Variants in OTX1 observed in about 807,000 individuals in gnomAD.
OTX1 encodes homeobox protein OTX1.
In OTX1, 7 loss-of-function variants were observed where a neutral mutation model predicts 26.7. The ratio of observed to expected loss-of-function variants is 0.26; its 90% CI spans 0.15 to 0.49. OTX1 has a LOEUF of 0.49. Among genes scored for constraint, OTX1 ranks in the 20% least tolerant of loss-of-function variants. The pLI is 0.98. For missense variants in OTX1, 414 were observed against 483.8 expected (o/e 0.86, Z 1.35); for synonymous variants, 216 against 212.8 (o/e 1.01, Z -0.13).
rs919225744 is a variant in OTX1, at chr2:63,055,947, C to T, written c.696C>T (p.Gly232=). The change falls in exon 5 of 5, where the codon GGC becomes GGT. Residue 232 remains glycine (G), a synonymous_variant. Transcript: ENST00000282549. This position sits in a 1 kb window ranked among gnomAD's most constrained non-coding sequence, Gnocchi z 5.2. ...PMSYGQGGSY[G]QGYPTPSSSY... The stretch of plus-strand genomic sequence containing the variant: ...CCTACGGCCAGGGCGGCAGCTACGG[C>T]CAAGGCTACCCTACGCCCTCCTCTT... 1.9e-6 allele frequency: 3 copies of T among 1,612,986 alleles called. No individual in the cohort carries two copies. In the African/African-American group the frequency reaches 4.0e-5, roughly 22 times the overall value.
In OTX1 at chr2:63,052,391, T is replaced by C. The variant is rs565500718; in HGVS notation, c.-111-489T>C. On this transcript the variant is annotated intron_variant, in intron 2 of 4. Transcript: ENST00000282549. ...CCTGGAGACCTTTAAAGGAACCAAG[T>C]GTCTAAGTGGACAAGAAGTGCAATT... Among the ~76,000 whole-genome samples the C allele has an allele frequency of 3.7e-4, 56 of 152,406 alleles. 1 individual carries two copies. The highest frequency in any genetic ancestry group is 1.2e-3 in the African/African-American group (48 of 41,598).
Position 63,055,804 on chromosome 2 carries a change from G to A in OTX1, c.553G>A (p.Gly185Ser), listed in dbSNP as rs1574629689. The A allele has an allele frequency of 1.9e-6, 3 of 1,612,204 alleles. No homozygotes were observed. Among genetic ancestry groups the A allele is most frequent in the Admixed American group, 1.7e-5 (1 of 59,958 alleles). The change falls in exon 5 of 5, where the codon GGC becomes AGC. Residue 185 changes from glycine (G) to serine (S), a missense_variant. By Grantham distance (56) the Gly-to-Ser change is moderately conservative. This residue lies in a region of OTX1 where 320 missense variants were observed against 347.9 expected (regional missense o/e 0.92). Coordinates refer to ENST00000282549, the MANE Select transcript of OTX1 (RefSeq NM_014562.4). This position sits in a 1 kb window ranked among gnomAD's most constrained non-coding sequence, Gnocchi z 5.2. ...SIWSPASISP[G>S]SAPASVSVPE... is the part of the protein sequence containing the mutation. ...CTGGAGCCCGGCCTCCATCTCGCCA[G>A]GCTCAGCGCCCGCGTCCGTGTCGGT...
chr2:63,052,499 G>T (rs1443995586), intron 2 of OTX1, among the ~76,000 whole-genome samples: 1 of 152,240 alleles, frequency 6.6e-6, no homozygotes, highest in Non-Finnish European at 1.5e-5. Flanking sequence ...TGCTCTGGGC[G>T]GCCTGCCGTC....
chr2:63,050,311 G>C (rs2153387488), upstream of OTX1, among the ~76,000 whole-genome samples: 1 of 152,304 alleles, frequency 6.6e-6, no homozygotes, highest in East Asian at 1.9e-4. Flanking sequence ...GCGGCGCCGG[G>C]GAAGAAAACG....
rs199519181 is a variant in OTX1, at chr2:63,055,827, G to A, written c.576G>A (p.Ser192=). 4.3e-5 allele frequency: 69 copies of A among 1,612,090 alleles called. 1 individual carries two copies. Among genetic ancestry groups the A allele is most frequent in the Admixed American group, 2.5e-4 (15 of 59,966 alleles). Residue 192 remains serine, a synonymous_variant, in exon 5 of 5, where the codon TCG becomes TCA. Transcript: ENST00000282549. The surrounding 1 kb of genome is among the most constrained non-coding windows in gnomAD (Gnocchi z 5.2). ...ISPGSAPASV[S]VPEPLAAPSN... is the part of the protein sequence containing the mutation. The stretch of plus-strand genomic sequence containing the variant: ...CAGGCTCAGCGCCCGCGTCCGTGTC[G>A]GTGCCGGAGCCATTGGCCGCGCCTA...
chr2:63,055,923 C>T lies in OTX1; in HGVS notation c.672C>T (p.Ser224=), dbSNP rs776213444. The change falls in exon 5 of 5, where the codon TCC becomes TCT. Residue 224 remains serine, a synonymous_variant. Transcript: ENST00000282549. This position sits in a 1 kb window ranked among gnomAD's most constrained non-coding sequence, Gnocchi z 5.2. ...CCGCAGCAGCCTCTTATCCCATGTC[C>T]TACGGCCAGGGCGGCAGCTACGGCC... ...AATAAASYPM[S]YGQGGSYGQG... 8.2e-5 allele frequency: 132 copies of T among 1,612,872 alleles called. 1 individual carries two copies. In the South Asian group the frequency reaches 1.4e-3, roughly 16 times the overall value.
chr2:63,056,078 A>T lies in OTX1; in HGVS notation c.827A>T (p.His276Leu). ...GCACCCTCCTCCATGGCGGGCCACC[A>T]TCATCACCACCCACATGCGCACCAC... ...PMAPSSMAGH[H>L]HHHPHAHHPL... Residue 276 changes from histidine to leucine, a missense_variant, in exon 5 of 5, where the codon CAT becomes CTT. Physicochemically the swap from His to Leu is moderately conservative, Grantham distance 99. This residue lies in a region of OTX1 where 320 missense variants were observed against 347.9 expected (regional missense o/e 0.92). Coordinates refer to ENST00000282549, the MANE Select transcript of OTX1 (RefSeq NM_014562.4). 6.2e-7 allele frequency: 1 copy of T among 1,613,132 alleles called. No individual in the cohort carries two copies. The highest frequency in any genetic ancestry group is 8.5e-7 in the Non-Finnish European group (1 of 1,179,402).
rs1483274864 is a variant in OTX1 at position 63,055,207 on chromosome 2, G to C, written c.250-294G>C. ...TTTAGAGATGGCAGAACTTCTGACT[G>C]GGCAGACTGAAATATTCCGCCCTAG... is the stretch of plus-strand genomic sequence containing the variant. On this transcript the variant is annotated intron_variant, in intron 4 of 4. Transcript: ENST00000282549. This position sits in a 1 kb window ranked among gnomAD's most constrained non-coding sequence, Gnocchi z 5.2. Among the ~76,000 whole-genome samples the C allele has an allele frequency of 6.6e-6, 1 of 152,234 alleles. No individual in the cohort carries two copies. Among genetic ancestry groups the C allele is most frequent in the Non-Finnish European group, 1.5e-5 (1 of 68,046 alleles).
Position 63,056,584 on chromosome 2 carries a change from C to A in OTX1, c.*268C>A. The A allele has an allele frequency of 5.7e-6, 3 of 524,074 alleles. No homozygotes were observed. The highest frequency in any genetic ancestry group is 5.2e-5 in the South Asian group (2 of 38,688). 32.5% of individuals were successfully genotyped at this position (524,074 alleles called of 1,614,324 possible). On this transcript the variant is annotated 3_prime_UTR_variant, in exon 5 of 5. Transcript: ENST00000282549. ...CTATACAGGAGAGATGTATTATTTC[C>A]CCCCTTCAGCCCCTACTAAACTCTT...
rs566241697 is a variant in OTX1 at position 63,055,533 on chromosome 2, C to T, written c.282C>T (p.Arg94=). The part of the protein sequence containing the change: ...VWFKNRRAKC[R]QQQQSGSGTK... ...TCAAGAACCGCCGCGCCAAATGCCG[C>T]CAGCAGCAGCAGAGCGGGAGCGGAA... is the stretch of plus-strand genomic sequence containing the variant. Residue 94 remains arginine (R), a synonymous_variant, in exon 5 of 5, where the codon CGC becomes CGT. Transcript: ENST00000282549. The surrounding 1 kb of genome is among the most constrained non-coding windows in gnomAD (Gnocchi z 5.2). 6.2e-7 allele frequency: 1 copy of T among 1,614,040 alleles called. No individual in the cohort carries two copies. Among genetic ancestry groups the T allele is most frequent in the East Asian group, 2.2e-5 (1 of 44,878 alleles).
chr2:63,049,999 G>C (rs2062011132), upstream of OTX1: 1 of 152,326 alleles, frequency 6.6e-6, no homozygotes, highest in African/African-American at 2.4e-5. This position sits in a 1 kb window ranked among gnomAD's most constrained non-coding sequence, Gnocchi z 4.8. Flanking sequence ...GAGCGAAAAA[G>C]AAACTTTCCT....
Position 63,055,764 on chromosome 2 carries a change from A to C in OTX1, c.513A>C (p.Pro171=). 1 of 1,612,468 alleles carries C rather than the reference A, an allele frequency of 6.2e-7. No individual in the cohort carries two copies. Among genetic ancestry groups the C allele is most frequent in the Non-Finnish European group, 8.5e-7 (1 of 1,179,664 alleles). The change falls in exon 5 of 5, where the codon CCA becomes CCC. Residue 171 remains proline (P), a synonymous_variant. Coordinates refer to ENST00000282549, the MANE Select transcript of OTX1 (RefSeq NM_014562.4). The surrounding 1 kb of genome is among the most constrained non-coding windows in gnomAD (Gnocchi z 5.2). ...PVAAASSLST[P]AASSIWSPAS... ...CGGCCGCGTCGTCGCTGAGTACACC[A>C]GCTGCCTCATCTATCTGGAGCCCGG...
In OTX1 at chr2:63,057,287, C is replaced by T. The variant is rs2062075679; in HGVS notation, c.*971C>T. 1 of 152,152 alleles carries T rather than the reference C, an allele frequency of 6.6e-6. No individual in the cohort carries two copies. Among genetic ancestry groups the T allele is most frequent in the Non-Finnish European group, 1.5e-5 (1 of 68,056 alleles). 9.4% of individuals were successfully genotyped at this position (152,152 alleles called of 1,614,324 possible). A position where few individuals can be genotyped will look rare whatever the true frequency, so the allele number is the denominator to read the frequency against. ...CTGCCCTGCCCTCTTCACATCTTCT[C>T]CCTCTGTGTATTTATTGAAGAGAAC... On this transcript the variant is annotated 3_prime_UTR_variant, in exon 5 of 5. Transcript: ENST00000282549.
chr2:63,052,880 G>C lies in OTX1; in HGVS notation c.-111G>C. The C allele has an allele frequency of 1.5e-6, 1 of 685,518 alleles. No individual in the cohort carries two copies. Among genetic ancestry groups the C allele is most frequent in the East Asian group, 2.8e-5 (1 of 35,892 alleles). 42.5% of individuals were successfully genotyped at this position (685,518 alleles called of 1,614,324 possible). On this transcript the variant is annotated splice_region_variant and 5_prime_UTR_variant, in exon 3 of 5. Transcript: ENST00000282549. ...TTCCGTGTGTCTCGTGTCTTCATAG[G>C]CCAGGCCCCCAGACGCATCAGACCC...
chr2:63,056,517 C>T lies in OTX1; in HGVS notation c.*201C>T. 2 of 606,788 alleles carry T rather than the reference C, an allele frequency of 3.3e-6. No homozygotes were observed. The highest frequency in any genetic ancestry group is 8.8e-4 in the Middle Eastern group (2 of 2,276). The allele number at this position is 606,788 out of a possible 1,614,324, so 37.6% of individuals were successfully genotyped here. A position where few individuals can be genotyped will look rare whatever the true frequency, so the allele number is the denominator to read the frequency against. On this transcript the variant is annotated 3_prime_UTR_variant, in exon 5 of 5. Coordinates refer to ENST00000282549, the MANE Select transcript of OTX1 (RefSeq NM_014562.4). ...GGGGGATGTGCAAACCCACCCTGCC[C>T]CTTGGATGGGGGGACCGGTGCTTCG...
chr2:63,052,510 C>T (rs2062033335), intron 2 of OTX1, among the ~76,000 whole-genome samples: 1 of 152,244 alleles, frequency 6.6e-6, no homozygotes. Flanking sequence ...GCCTGCCGTC[C>T]GGGCACCAAG....
Position 63,055,474 on chromosome 2 carries a change from C to G in OTX1, c.250-27C>G, listed in dbSNP as rs1277171407. The G allele has an allele frequency of 6.3e-7, 1 of 1,595,352 alleles. No individual in the cohort carries two copies. Among genetic ancestry groups the G allele is most frequent in the South Asian group, 1.1e-5 (1 of 88,616 alleles). On this transcript the variant is annotated intron_variant, in intron 4 of 4. Coordinates refer to ENST00000282549, the MANE Select transcript of OTX1 (RefSeq NM_014562.4). The surrounding 1 kb of genome is among the most constrained non-coding windows in gnomAD (Gnocchi z 5.2). The stretch of plus-strand genomic sequence containing the variant: ...CAAGCTCCCCTAGCTCCCTTTGACC[C>G]ACTCTCCCCCATCCGGCCCACTGCA...
chr2:63,051,738 C>G (rs1490546664), intron 2 of OTX1: 1 of 152,478 alleles, frequency 6.6e-6, no homozygotes, highest in Non-Finnish European at 1.5e-5. Context: ...TTAGCTCTAA[C>G]TTCTCTCCTT....
chr2:63,053,063 C>G lies in OTX1; in HGVS notation c.73C>G (p.Leu25Val). 1 of 1,596,026 alleles carries G rather than the reference C, an allele frequency of 6.3e-7. No homozygotes were observed. Among genetic ancestry groups the G allele is most frequent in the Non-Finnish European group, 8.5e-7 (1 of 1,173,270 alleles). The change falls in exon 3 of 5, where the codon CTG becomes GTG. Residue 25 changes from leucine (L) to valine (V), a missense_variant. By Grantham distance (32) the Leu-to-Val change is conservative. Around this residue, in one of 3 missense-constraint regions of OTX1, gnomAD observed 48 missense variants for 41.6 expected, o/e 1.15. Coordinates refer to ENST00000282549, the MANE Select transcript of OTX1 (RefSeq NM_014562.4). ...LGLAGPAMDL[L>V]HPSVGYPATP... is the part of the protein sequence containing the mutation. ...CCTGGCCGGGCCCGCCATGGACCTC[C>G]TGCACCCATCCGTGGGCTATCCGGG...
Sources: allele counts gnomAD v4.1 joint callset (sites outside exome capture counted in the v4.1 genomes callset), GRCh38; gene constraint gnomAD v4.1.1; regional missense constraint gnomAD v4.1.1; non-coding constraint Gnocchi (gnomAD v3.1); transcripts MANE v1.5; gene names NCBI Gene and HGNC (gene_info 2026-07-23, HGNC 2026-07-21).